Variants in CRTC2 observed in about 807,000 individuals in gnomAD.
CRTC2 encodes CREB regulated transcription coactivator 2.
A neutral mutation model predicts 70.9 loss-of-function variants in CRTC2; 25 were observed. The ratio of observed to expected loss-of-function variants is 0.35; its 90% CI spans 0.26 to 0.49. CRTC2 has a LOEUF of 0.49. Ranked by LOEUF, CRTC2 falls within the 20% of genes least tolerant of loss-of-function variation. The pLI is 0.98. For synonymous variants in CRTC2, 330 were observed against 364.1 expected, an observed-to-expected ratio of 0.91 and a Z score of 1.07; for missense variants, 737 against 882.6, an observed-to-expected ratio of 0.83 and a Z score of 2.09.
chr1:153,958,558 T>A lies in CRTC2; in HGVS notation c.-61A>T. ...ACCAGCCGCGGCCTCCGCCGCGGCC[T>A]CGGCCCGGCTCCTCCAGCCGTAGCC... is the stretch of plus-strand genomic sequence containing the variant. On this transcript the variant is annotated 5_prime_UTR_variant, in exon 1 of 14. Coordinates refer to ENST00000368633, the MANE Select transcript of CRTC2 (RefSeq NM_181715.3). 3.4e-6 allele frequency: 5 copies of A among 1,463,198 alleles called. No individual in the cohort carries two copies. Among genetic ancestry groups the A allele is most frequent in the Non-Finnish European group, 4.6e-6 (5 of 1,093,410 alleles). 90.6% of individuals were successfully genotyped at this position (1,463,198 alleles called of 1,614,324 possible).
chr1:153,955,118 C>G lies in CRTC2; in HGVS notation c.202G>C (p.Gly68Arg). 6.2e-7 allele frequency: 1 copy of G among 1,614,090 alleles called. No individual in the cohort carries two copies. Among genetic ancestry groups the G allele is most frequent in the South Asian group, 1.1e-5 (1 of 91,080 alleles). Residue 68 changes from glycine (G) to arginine (R), a missense_variant, in exon 2 of 14, where the codon GGT (glycine) becomes CGT (arginine). Coordinates refer to ENST00000368633, the MANE Select transcript of CRTC2 (RefSeq NM_181715.3). Reference sequence around the variant, plus strand: ...TGGTTAACATTGGGCAGAGACCCACCATAATGAGAGCTCCTTGTGTATGCC... The same window carrying G: ...TGGTTAACATTGGGCAGAGACCCACGATAATGAGAGCTCCTTGTGTATGCC... ...RLAYTRSSHY[G>R]GSLPNVNQIG...
rs754210676 is a variant in CRTC2 at position 153,953,246 on chromosome 1, C to T, written c.607+20G>A. 5.0e-6 allele frequency: 7 copies of T among 1,403,638 alleles called. No homozygotes were observed. The Admixed American group carries it at 1.5e-4, about 31-fold the overall frequency. 86.9% of individuals were successfully genotyped at this position (1,403,638 alleles called of 1,614,324 possible). A position where few individuals can be genotyped will look rare whatever the true frequency, so the allele number is the denominator to read the frequency against. ...AAATAGCTCCATGGTTACTCCCAAC[C>T]CTGGGACAGGGCCACTTACCCCCAC... On this transcript the variant is annotated intron_variant, in intron 6 of 13. Transcript: ENST00000368633.
intron 10 of CRTC2, 92 bp from the exon 11 acceptor site, chr1:153,951,758 T>C (rs1470948052): frequency 4.3e-6 from 6 of 1,395,478 alleles, no homozygotes; most frequent in Admixed American, 2.2e-5. Flanking sequence ...GACCAGACTA[T>C]GAAAGCGGCA....
intron 8 of CRTC2, 34 bp from the exon 9 acceptor site, chr1:153,952,480 A>G: frequency 6.2e-7 from 1 of 1,613,436 alleles, no homozygotes; most frequent in Non-Finnish European, 8.5e-7. Context: ...GAAAATGAGG[A>G]CAGTGCTCAG....
At chr1:153,956,454 C>T (rs1327204736) in intron 1 of CRTC2, among the ~76,000 whole-genome samples, 1 of 152,234 alleles carries the variant, frequency 6.6e-6, no homozygotes, top group Non-Finnish European at 1.5e-5. Flanking sequence ...GCCAAATAAA[C>T]AGGCCCAGGG....
intron 9 of CRTC2, 57 bp from the exon 10 acceptor site, chr1:153,952,319 G>C: frequency 6.2e-7 from 1 of 1,603,016 alleles, no homozygotes; most frequent in South Asian, 1.1e-5. Context: ...CAGTGGTCAG[G>C]GAAGAGCAGA....
chr1:153,954,992 G>A lies in CRTC2; in HGVS notation c.256-3C>T. 6.2e-7 allele frequency: 1 copy of A among 1,613,306 alleles called. No individual in the cohort carries two copies. The highest frequency in any genetic ancestry group is 8.5e-7 in the Non-Finnish European group (1 of 1,179,280). Reference sequence around the variant, plus strand: ...TCCAAAGGTGAGTGGAGGGGGCTCTGCCAAAAAGGACAGAAGTCAGCAGAG... The same window carrying A: ...TCCAAAGGTGAGTGGAGGGGGCTCTACCAAAAAGGACAGAAGTCAGCAGAG... On this transcript the variant is annotated splice_polypyrimidine_tract_variant and splice_region_variant and intron_variant, in intron 2 of 13. Transcript: ENST00000368633.
intron 8 of CRTC2, 35 bp from the exon 9 acceptor site, chr1:153,952,481 C>G (rs1680383861): frequency 6.2e-7 from 1 of 1,613,294 alleles, no homozygotes; most frequent in African/African-American, 1.3e-5. Context: ...AAAATGAGGA[C>G]AGTGCTCAGC....
intron 1 of CRTC2, among the ~76,000 whole-genome samples, chr1:153,956,056 T>C (rs1039609393): frequency 6.6e-6 from 1 of 152,228 alleles, no homozygotes; most frequent in Non-Finnish European, 1.5e-5. Context: ...TGCCAGCCTC[T>C]TTCCTTCCCA....
chr1:153,951,716 T>A, intron 10 of CRTC2, 50 bp from the exon 11 acceptor site: 1 of 1,590,048 alleles, frequency 6.3e-7, no homozygotes, highest in Non-Finnish European at 8.6e-7. Flanking sequence ...TGATGGGAAC[T>A]GAGCCCCTTT....
In CRTC2 at chr1:153,952,638, TGAAAGA is replaced by T; in HGVS notation, c.638-9_638-4del. The T allele has an allele frequency of 6.2e-7, 1 of 1,614,094 alleles. No homozygotes were observed. Among genetic ancestry groups the T allele is most frequent in the Admixed American group, 1.7e-5 (1 of 60,024 alleles). ...CAAGTTCTCCTCAATAGCAGGTACT[TGAAAGA>T]GAAAGACTGGTGATGGGAGAGTTGG... On this transcript the variant is annotated splice_polypyrimidine_tract_variant and splice_region_variant and intron_variant, in intron 7 of 13. Transcript: ENST00000368633.
At chr1:153,953,118 G>A in intron 6 of CRTC2, 148 bp downstream of exon 6, 1 of 603,912 alleles carries the variant, frequency 1.7e-6, no homozygotes, top group South Asian at 2.1e-5. Context: ...GGAGGGCGGA[G>A]GTTGCAGTGA....
intron 1 of CRTC2, among the ~76,000 whole-genome samples, chr1:153,957,493 AG>A (rs1469345090): frequency 6.6e-6 from 1 of 152,156 alleles, no homozygotes; most frequent in East Asian, 1.9e-4. Context: ...AGCCTTGGAA[AG>A]CAAGAAACCA....
intron 1 of CRTC2, chr1:153,958,113 T>C: frequency 7.2e-7 from 1 of 1,391,286 alleles, no homozygotes; most frequent in East Asian, 2.8e-5. Context: ...CCACCTCACG[T>C]ACTCGGCCCC....
chr1:153,952,710 G>A (rs1340178021), intron 7 of CRTC2, 75 bp from the exon 8 acceptor site: 6 of 1,599,636 alleles, frequency 3.8e-6, no homozygotes, highest in Non-Finnish European at 5.1e-6. Context: ...AGAAGCAGGT[G>A]GGAAGGAGTC....
chr1:153,955,194 T>C lies in CRTC2; in HGVS notation c.154-28A>G, dbSNP rs1454814238. 5 of 1,543,146 alleles carry C rather than the reference T, an allele frequency of 3.2e-6. No homozygotes were observed. The South Asian group carries it at 4.5e-5, about 14-fold the overall frequency. ...GAGACATGGGGAACAAGTGGGAATG[T>C]CAGGAGGGTCCTGAGCACTATTTCC... On this transcript the variant is annotated intron_variant, in intron 1 of 13. Coordinates refer to ENST00000368633, the MANE Select transcript of CRTC2 (RefSeq NM_181715.3).
At chr1:153,955,371 T>C (rs1680566709) in intron 1 of CRTC2, among the ~76,000 whole-genome samples, 1 of 151,838 alleles carries the variant, frequency 6.6e-6, no homozygotes, top group South Asian at 2.1e-4. Context: ...ATCGACACCA[T>C]CCTGGCTAAC....
In CRTC2 at chr1:153,949,191, G is replaced by A; in HGVS notation, c.1598C>T (p.Thr533Ile). ...QPPGRQSHYG[T>I]PYPPGPSGHG... ...CCCACTGGGCCCAGGTGGGTACGGT[G>A]TCCCATAATGAGACTGCCTGCCTGG... The change falls in exon 12 of 14, where the codon ACA (threonine) becomes ATA (isoleucine). Residue 533 changes from threonine (T) to isoleucine (I), a missense_variant. Physicochemically the swap from Thr to Ile is moderately conservative, Grantham distance 89. Transcript: ENST00000368633. The A allele has an allele frequency of 6.2e-7, 1 of 1,614,096 alleles. No homozygotes were observed. Among genetic ancestry groups the A allele is most frequent in the South Asian group, 1.1e-5 (1 of 91,084 alleles).
chr1:153,951,075 C>A (rs1028925016), intron 11 of CRTC2, among the ~76,000 whole-genome samples, 185 bp downstream of exon 11: 1 of 151,964 alleles, frequency 6.6e-6, no homozygotes, highest in Non-Finnish European at 1.5e-5. Flanking sequence ...TTAACCACAG[C>A]GTTTGGGTTT....
Sources: gnomAD v4.1 joint callset for allele counts (sites outside exome capture counted in the v4.1 genomes callset) on GRCh38, gnomAD v4.1.1 for gene constraint, MANE v1.5 for transcripts, NCBI Gene and HGNC (gene_info 2026-07-23, HGNC 2026-07-21) for gene names.